Variants in PCSK5 observed in about 807,000 individuals in gnomAD.
PCSK5 encodes the protein proprotein convertase subtilisin/kexin type 5.
Under a neutral mutation model 233.2 loss-of-function variants are expected in PCSK5, and 129 were observed. That is an observed-to-expected ratio of 0.55 (90% CI 0.48 to 0.64). The LOEUF (loss-of-function observed/expected upper bound fraction) is 0.64. Ranked by LOEUF, PCSK5 falls within the 30% of genes least tolerant of loss-of-function variation. The pLI, the probability that PCSK5 is intolerant of heterozygous loss-of-function variation, is 0.00. For synonymous variants in PCSK5, 825 were observed against 879.2 expected, an observed-to-expected ratio of 0.94 and a Z score of 1.09; for missense variants, 2,076 against 2,430.1, an observed-to-expected ratio of 0.85 and a Z score of 3.06.
chr9:75,915,112 C>T (rs1393180498), intron 1 of PCSK5, among the ~76,000 whole-genome samples: 4 of 152,128 alleles, frequency 2.6e-5, no homozygotes, highest in Non-Finnish European at 5.9e-5. Flanking sequence ...TTAGAAGGCT[C>T]ATTTTGGGGA....
chr9:76,326,132 C>T (rs1829352801), intron 32 of PCSK5, among the ~76,000 whole-genome samples: 1 of 152,060 alleles, frequency 6.6e-6, no homozygotes, highest in Non-Finnish European at 1.5e-5. Flanking sequence ...CTCAACAACA[C>T]TTTGGGAGGC....
At chr9:76,270,303 G>A (rs774876062) in intron 24 of PCSK5, among the ~76,000 whole-genome samples, 1 of 152,110 alleles carries the variant, frequency 6.6e-6, no homozygotes, top group Non-Finnish European at 1.5e-5. Context: ...GAGTTTCCTC[G>A]GATGCTGAGA....
chr9:76,042,203 A>G (rs1829151338), intron 5 of PCSK5, among the ~76,000 whole-genome samples: 1 of 152,274 alleles, frequency 6.6e-6, no homozygotes, highest in African/African-American at 2.4e-5. Context: ...AATGCAAAAT[A>G]TTCAAGTTTT....
intron 21 of PCSK5, among the ~76,000 whole-genome samples, chr9:76,229,916 G>T (rs73652903): frequency 0.025 from 3,737 of 152,276 alleles, 146 homozygotes; most frequent in African/African-American, 0.084. Flanking sequence ...GGCATGAGTT[G>T]GGGAAAGAAG....
intron 20 of PCSK5, among the ~76,000 whole-genome samples, chr9:76,200,412 C>T (rs1160240301): frequency 1.3e-5 from 2 of 152,136 alleles, no homozygotes; most frequent in Non-Finnish European, 2.9e-5. Context: ...CCACCACTGA[C>T]CCCACACCTG....
intron 5 of PCSK5, among the ~76,000 whole-genome samples, chr9:76,052,618 T>C (rs1829670734): frequency 6.6e-6 from 1 of 152,154 alleles, no homozygotes. Flanking sequence ...CAAGATGAGA[T>C]TTGGGTGGGG....
chr9:76,000,826 CT>C (rs1827229994), intron 3 of PCSK5, among the ~76,000 whole-genome samples: 1 of 151,954 alleles, frequency 6.6e-6, no homozygotes, highest in Admixed American at 6.6e-5. Context: ...CCAGTATATT[CT>C]TTTTCTGGTA....
chr9:75,963,052 A>T (rs1825423522), intron 2 of PCSK5, among the ~76,000 whole-genome samples: 2 of 152,214 alleles, frequency 1.3e-5, no homozygotes, highest in South Asian at 4.1e-4. Flanking sequence ...CACTCCTAAT[A>T]CTGTTGTATG....
At position 76,122,650 on chromosome 9, in the gene PCSK5, T is replaced by G. The variant is rs1399458356; in HGVS notation, c.1209-11459T>G. ...AGCTTCAACTTTTCATTACAAACTC[T>G]TAAGTTGATCTGTGAAGTCTTAAAA... On this transcript the variant is annotated intron_variant, in intron 9 of 37. Coordinates refer to ENST00000674117, the MANE Select transcript of PCSK5 (RefSeq NM_001372043.1). Among the ~76,000 whole-genome samples, 4 of 152,208 alleles carry G rather than the reference T, an allele frequency of 2.6e-5. No individual in the cohort carries two copies. The South Asian group carries it at 8.3e-4, about 32-fold the overall frequency.
At chr9:76,168,924 C>G (rs925619463) in intron 12 of PCSK5, among the ~76,000 whole-genome samples, 1 of 152,124 alleles carries the variant, frequency 6.6e-6, no homozygotes, top group African/African-American at 2.4e-5. Context: ...ATAATTTTGC[C>G]TTTTCTAGAA....
intron 1 of PCSK5, among the ~76,000 whole-genome samples, chr9:75,930,583 TAAAGGATTTTAGGCAGGG>T (rs1823742552): frequency 6.6e-6 from 1 of 152,216 alleles, no homozygotes; most frequent in Non-Finnish European, 1.5e-5. Context: ...GGGAATCCAC[TAAAGGATTTTAGGCAGGG>T]GTAGGCCATA....
At position 76,334,178 on chromosome 9, in the gene PCSK5, G is replaced by C. The variant is rs938822099; in HGVS notation, c.4748+1568G>C. 1.2e-3 allele frequency among the ~76,000 whole-genome samples: 188 copies of C among 152,082 alleles called. 3 individuals are homozygous for C. The highest frequency in any genetic ancestry group is 2.5e-4 in the Non-Finnish European group (17 of 68,024). ...AGACTTATTCACAACAGCAAGAACA[G>C]CATGGGGGAAACCGCCCCTACAATC... On this transcript the variant is annotated intron_variant, in intron 34 of 37. Transcript: ENST00000674117.
intron 5 of PCSK5, among the ~76,000 whole-genome samples, chr9:76,063,825 G>A (rs1186993827): frequency 1.9e-5 from 1 of 51,656 alleles, no homozygotes; most frequent in African/African-American, 1.7e-4. Flanking sequence ...ATCCTGGCCC[G>A]TTCTCAATGA....
At position 76,108,715 on chromosome 9, in the gene PCSK5, T is replaced by A. The variant is rs1239621336; in HGVS notation, c.1208+1364T>A. ...TTGCAGTGAGCCGAGATCGCCCCACTGCACTCCAGCCTGGTGACAGAGCCA... is the reference window on the plus strand; with the variant it reads ...TTGCAGTGAGCCGAGATCGCCCCACAGCACTCCAGCCTGGTGACAGAGCCA... On this transcript the variant is annotated intron_variant, in intron 9 of 37. Coordinates refer to ENST00000674117, the MANE Select transcript of PCSK5 (RefSeq NM_001372043.1). Among the ~76,000 whole-genome samples, 4 of 152,146 alleles carry A rather than the reference T, an allele frequency of 2.6e-5. No homozygotes were observed. The East Asian group carries it at 7.7e-4, about 29-fold the overall frequency.
At chr9:75,984,771 A>G (rs1433466729) in intron 2 of PCSK5, among the ~76,000 whole-genome samples, 1 of 152,184 alleles carries the variant, frequency 6.6e-6, no homozygotes, top group African/African-American at 2.4e-5. Flanking sequence ...TTGTTTGTTG[A>G]ATGAATAAAT....
At chr9:76,184,613 T>G in intron 16 of PCSK5, 60 bp from the exon 17 acceptor site, 1 of 1,111,424 alleles carries the variant, frequency 9.0e-7, no homozygotes, top group East Asian at 2.4e-5. Flanking sequence ...AGAACATCTC[T>G]GATGCTTTTA....
intron 20 of PCSK5, among the ~76,000 whole-genome samples, chr9:76,190,465 C>T (rs1304979616): frequency 1.3e-5 from 2 of 152,002 alleles, no homozygotes; most frequent in East Asian, 1.9e-4. Flanking sequence ...ATTAAAAATA[C>T]CATGCACATA....
intron 17 of PCSK5, among the ~76,000 whole-genome samples, chr9:76,188,190 T>A: frequency 6.6e-6 from 1 of 152,322 alleles, no homozygotes; most frequent in East Asian, 1.9e-4. Context: ...GAATTTATTA[T>A]GTAGTAAGTC....
chr9:76,019,901 T>C (rs1477678016), intron 3 of PCSK5, among the ~76,000 whole-genome samples: 2 of 152,248 alleles, frequency 1.3e-5, no homozygotes, highest in African/African-American at 2.4e-5. Flanking sequence ...CCAGTGTCAT[T>C]TCTAAATACC....
Sources: allele counts gnomAD v4.1 joint callset (sites outside exome capture counted in the v4.1 genomes callset), GRCh38; gene constraint gnomAD v4.1.1; transcripts MANE v1.5; gene names NCBI Gene and HGNC (gene_info 2026-07-23, HGNC 2026-07-21).